SLC25A40: variants seen among roughly 807,000 people sequenced by gnomAD.
SLC25A40 encodes mitochondrial glutathione transporter SLC25A40.
In SLC25A40, 41 loss-of-function variants were observed where a neutral mutation model predicts 46.5. That is an observed-to-expected ratio of 0.88 (90% CI 0.69 to 1.14). The LOEUF (loss-of-function observed/expected upper bound fraction) is 1.14. Among genes scored for constraint, SLC25A40 ranks in the 50% most tolerant of loss-of-function variants. The pLI is 0.00. For missense variants in SLC25A40, 386 were observed against 393.6 expected (o/e 0.98, Z 0.16); for synonymous variants, 126 against 127.5 (o/e 0.99, Z 0.08).
At chr7:87,865,451 T>C (rs1050404723) in intron 1 of SLC25A40, among the ~76,000 whole-genome samples, 1 of 152,194 alleles carries the variant, frequency 6.6e-6, no homozygotes, top group Non-Finnish European at 1.5e-5. Flanking sequence ...TATGAGTGAA[T>C]TGCACACCAC....
At chr7:87,839,621 T>A (rs1242820724) in intron 10 of SLC25A40, among the ~76,000 whole-genome samples, 2 of 151,698 alleles carry the variant, frequency 1.3e-5, no homozygotes, top group East Asian at 3.8e-4. Flanking sequence ...AAGTTATTTC[T>A]GTTATAGGAT....
chr7:87,840,016 T>G (rs1159594210), intron 10 of SLC25A40, among the ~76,000 whole-genome samples: 1 of 151,762 alleles, frequency 6.6e-6, no homozygotes, highest in African/African-American at 2.4e-5. Context: ...ATCACTCAAA[T>G]TACAAGTGCA....
chr7:87,865,412 G>C (rs761217583), intron 1 of SLC25A40, among the ~76,000 whole-genome samples: 1 of 152,178 alleles, frequency 6.6e-6, no homozygotes, highest in African/African-American at 2.4e-5. Context: ...GTTTTTAACA[G>C]ATTTTTCTCT....
intron 9 of SLC25A40, among the ~76,000 whole-genome samples, chr7:87,842,956 A>T (rs1838356847): frequency 1.3e-5 from 2 of 152,108 alleles, no homozygotes; most frequent in Non-Finnish European, 2.9e-5. Context: ...AATTTGAAAG[A>T]TCTTAGACCT....
intron 2 of SLC25A40, 139 bp from the exon 3 acceptor site, chr7:87,858,890 T>C (rs1047810633): frequency 3.3e-6 from 2 of 605,054 alleles, no homozygotes; most frequent in African/African-American, 1.9e-5. Flanking sequence ...ACTGACAGAA[T>C]GAAAGCAGGT....
At chr7:87,866,707 C>A (rs542077772) in intron 1 of SLC25A40, among the ~76,000 whole-genome samples, 1 of 152,310 alleles carries the variant, frequency 6.6e-6, no homozygotes, top group East Asian at 1.9e-4. Context: ...GGAGTATAAT[C>A]AAACATCTTG....
chr7:87,836,095 A>C lies in SLC25A40; in HGVS notation c.*154T>G. ...AAAATAAGATAAAATTTATTTTAAAATTATGATTTAGAGGTAGAGCTGAAA... is the reference window on the plus strand; with the variant it reads ...AAAATAAGATAAAATTTATTTTAAACTTATGATTTAGAGGTAGAGCTGAAA... On this transcript the variant is annotated 3_prime_UTR_variant, in exon 12 of 12. Transcript: ENST00000341119. 1 of 488,660 alleles carries C rather than the reference A, an allele frequency of 2.0e-6. No homozygotes were observed. The highest frequency in any genetic ancestry group is 3.6e-6 in the Non-Finnish European group (1 of 274,518). 30.3% of individuals were successfully genotyped at this position (488,660 alleles called of 1,614,324 possible).
chr7:87,869,536 CA>C (rs57979424), intron 1 of SLC25A40, among the ~76,000 whole-genome samples: 382 of 135,706 alleles, frequency 2.8e-3, no homozygotes, highest in Non-Finnish European at 3.0e-3. Flanking sequence ...GACCCTGTTC[CA>C]AAAAAAAAAA....
chr7:87,857,156 C>A (rs1398394008), intron 3 of SLC25A40, among the ~76,000 whole-genome samples: 1 of 152,102 alleles, frequency 6.6e-6, no homozygotes, highest in African/African-American at 2.4e-5. Flanking sequence ...AACTGTGAAC[C>A]AGAGAAATTT....
At position 87,858,632 on chromosome 7, in the gene SLC25A40, T is replaced by C; in HGVS notation, c.96A>G (p.Ile32Met). 1 of 1,536,866 alleles carries C rather than the reference T, an allele frequency of 6.5e-7. No individual in the cohort carries two copies. The highest frequency in any genetic ancestry group is 2.2e-5 in the East Asian group (1 of 44,528). Residue 32 changes from isoleucine (I) to methionine (M), a missense_variant and splice_region_variant, in exon 3 of 12, where the codon ATA (isoleucine) becomes ATG (methionine). Coordinates refer to ENST00000341119, the MANE Select transcript of SLC25A40 (RefSeq NM_018843.4). Reference sequence around the variant, plus strand: ...TCTACATCAGTAACATAATTTTACCTATTACTGATGTCAGTATAGCTCCAG... The same window carrying C: ...TCTACATCAGTAACATAATTTTACCCATTACTGATGTCAGTATAGCTCCAG... ...SCTGAILTSV[I>M]VTPLDVVKIR...
intron 3 of SLC25A40, 134 bp from the exon 4 acceptor site, chr7:87,856,485 G>A (rs1838617753): frequency 3.6e-5 from 29 of 801,362 alleles, no homozygotes; most frequent in South Asian, 3.5e-4. Context: ...TTATCTTAAA[G>A]TAGTCTTGAA....
At chr7:87,862,583 T>C (rs1838723475) in intron 1 of SLC25A40, among the ~76,000 whole-genome samples, 1 of 152,228 alleles carries the variant, frequency 6.6e-6, no homozygotes, top group South Asian at 2.1e-4. Context: ...GACAGAACAC[T>C]ATCTCCTCAG....
At position 87,858,758 on chromosome 7, in the gene SLC25A40, A is replaced by T. The variant is rs898843275; in HGVS notation, c.-24-7T>A. ...TAACTAATTAAATAAAAACCTGTTAAAAAGAAAACATAAAATTAGAGCACA... is the reference window on the plus strand; with the variant it reads ...TAACTAATTAAATAAAAACCTGTTATAAAGAAAACATAAAATTAGAGCACA... On this transcript the variant is annotated splice_region_variant and splice_polypyrimidine_tract_variant and intron_variant, in intron 2 of 11. Transcript: ENST00000341119. 4 of 1,448,654 alleles carry T rather than the reference A, an allele frequency of 2.8e-6. No individual in the cohort carries two copies. Among genetic ancestry groups the T allele is most frequent in the Non-Finnish European group, 3.9e-6 (4 of 1,032,532 alleles). The allele number at this position is 1,448,654 out of a possible 1,614,324, so 89.7% of individuals were successfully genotyped here.
In SLC25A40 at chr7:87,847,866, T is replaced by C; in HGVS notation, c.444A>G (p.Gly148=). ...ENETCIPIVA[G]IVARFGAVTV... ...TTTATTACTCACATCTGGCTACAATTCCAGCAACAATTGGTATGCAGGTTT... is the reference window on the plus strand; with the variant it reads ...TTTATTACTCACATCTGGCTACAATCCCAGCAACAATTGGTATGCAGGTTT... Residue 148 remains glycine, a synonymous_variant, in exon 7 of 12, where the codon GGA becomes GGG. Transcript: ENST00000341119. 1 of 1,608,640 alleles carries C rather than the reference T, an allele frequency of 6.2e-7. No homozygotes were observed.
intron 1 of SLC25A40, among the ~76,000 whole-genome samples, chr7:87,873,352 T>C (rs1198874970): frequency 6.6e-6 from 1 of 151,478 alleles, no homozygotes; most frequent in Non-Finnish European, 1.5e-5. Context: ...TCTCTGATAA[T>C]CACAAAAAGT....
At position 87,873,880 on chromosome 7, in the gene SLC25A40, T is replaced by C. The variant is rs150973354; in HGVS notation, c.-94+2216A>G. ...TCTCCAATTTTGCCTAATATAACTC[T>C]TGAACAAAGTTTCTCACCATAAATA... On this transcript the variant is annotated intron_variant, in intron 1 of 11. Transcript: ENST00000341119. 5.9e-5 allele frequency among the ~76,000 whole-genome samples: 9 copies of C among 152,334 alleles called. No homozygotes were observed. In the East Asian group the frequency reaches 1.5e-3, roughly 26 times the overall value.
At chr7:87,855,834 T>C (rs1426249171) in intron 4 of SLC25A40, among the ~76,000 whole-genome samples, 1 of 152,228 alleles carries the variant, frequency 6.6e-6, no homozygotes, top group East Asian at 1.9e-4. Flanking sequence ...TTGCCTATCT[T>C]ATAAAAATAC....
intron 1 of SLC25A40, among the ~76,000 whole-genome samples, chr7:87,865,058 C>A (rs1838769014): frequency 6.6e-6 from 1 of 150,794 alleles, no homozygotes; most frequent in African/African-American, 2.4e-5. Flanking sequence ...CTAATTGCAA[C>A]CTCAAACTGC....
intron 1 of SLC25A40, among the ~76,000 whole-genome samples, chr7:87,869,128 T>C (rs117994091): frequency 0.03 from 4,497 of 152,326 alleles, 64 homozygotes; most frequent in Middle Eastern, 0.048. Context: ...ATTTGAGTTC[T>C]GGGATATTGC....
Sources: allele counts gnomAD v4.1 joint callset (sites outside exome capture counted in the v4.1 genomes callset), GRCh38; gene constraint gnomAD v4.1.1; transcripts MANE v1.5; gene names NCBI Gene and HGNC (gene_info 2026-07-23, HGNC 2026-07-21).